The following TNFSF11 variants were observed in gnomAD, a reference collection of about 807,000 sequenced individuals.
TNFSF11 encodes the protein TNF superfamily member 11.
TNFSF11 carries 12 observed loss-of-function variants against 32.2 expected under a neutral mutation model. The ratio of observed to expected loss-of-function variants is 0.37; its 90% CI spans 0.24 to 0.60. The LOEUF (loss-of-function observed/expected upper bound fraction) is 0.60, where lower values mean the gene tolerates loss of function less well. Among genes scored for constraint, TNFSF11 ranks in the 20% least tolerant of loss-of-function variants. The pLI, the probability that TNFSF11 is intolerant of heterozygous loss-of-function variation, is 0.66. For synonymous variants in TNFSF11, 172 were observed against 152.1 expected, an observed-to-expected ratio of 1.13 and a Z score of -0.96; for missense variants, 345 against 398.0, an observed-to-expected ratio of 0.87 and a Z score of 1.13.
chr13:42,583,931 C>A (rs1873760000), intron 2 of TNFSF11, among the ~76,000 whole-genome samples: 1 of 151,998 alleles, frequency 6.6e-6, no homozygotes, highest in South Asian at 2.1e-4. Context: ...TGAAATGCTA[C>A]AAGCAGGATA....
At chr13:42,595,108 G>C (rs1868730663) in intron 2 of TNFSF11, among the ~76,000 whole-genome samples, 1 of 152,188 alleles carries the variant, frequency 6.6e-6, no homozygotes. Flanking sequence ...AGACGTTGGG[G>C]TTTCAAATCT....
At position 42,606,983 on chromosome 13, in the gene TNFSF11, G is replaced by A; in HGVS notation, c.*65G>A. The A allele has an allele frequency of 1.9e-6, 3 of 1,603,566 alleles. No homozygotes were observed. Among genetic ancestry groups the A allele is most frequent in the Non-Finnish European group, 2.6e-6 (3 of 1,173,102 alleles). On this transcript the variant is annotated 3_prime_UTR_variant, in exon 5 of 5. Transcript: ENST00000398795. Reference sequence around the variant, plus strand: ...GGAAACATTTTTTAAAACAAGCCAAGAAAGATGTATATAGGTGTGTGAGAC... The same window carrying A: ...GGAAACATTTTTTAAAACAAGCCAAAAAAGATGTATATAGGTGTGTGAGAC...
At chr13:42,599,254 T>C (rs1475686924) in intron 2 of TNFSF11, among the ~76,000 whole-genome samples, 1 of 152,212 alleles carries the variant, frequency 6.6e-6, no homozygotes, top group Non-Finnish European at 1.5e-5. Flanking sequence ...AGAATAAATG[T>C]TATCTCCAGA....
chr13:42,590,622 A>G (rs1423373800), intron 2 of TNFSF11, among the ~76,000 whole-genome samples: 2 of 152,266 alleles, frequency 1.3e-5, no homozygotes, highest in East Asian at 1.9e-4. Context: ...AAACAGAGAC[A>G]TGGTAAATAG....
At chr13:42,576,998 T>C (rs1009207149) in intron 1 of TNFSF11, among the ~76,000 whole-genome samples, 2 of 152,358 alleles carry the variant, frequency 1.3e-5, no homozygotes, top group Non-Finnish European at 2.9e-5. Flanking sequence ...TGATTTAACA[T>C]TTTCACTTAT....
At chr13:42,572,395 C>T (rs1873100438), upstream of TNFSF11, among the ~76,000 whole-genome samples, 1 of 151,900 alleles carries the variant, frequency 6.6e-6, no homozygotes, top group African/African-American at 2.4e-5. Context: ...TGTTATAACA[C>T]ATTTTAAAAA....
intron 2 of TNFSF11, among the ~76,000 whole-genome samples, chr13:42,599,258 C>T (rs186703457): frequency 6.6e-6 from 1 of 152,302 alleles, no homozygotes; most frequent in Admixed American, 6.5e-5. Flanking sequence ...TAAATGTTAT[C>T]TCCAGAATCC....
At chr13:42,575,254 G>C (rs1873254756) in intron 1 of TNFSF11, among the ~76,000 whole-genome samples, 1 of 152,240 alleles carries the variant, frequency 6.6e-6, no homozygotes, top group Non-Finnish European at 1.5e-5. Context: ...CTACAGTCTA[G>C]CAAATAACCA....
chr13:42,580,916 C>T (rs1873572605), intron 1 of TNFSF11, among the ~76,000 whole-genome samples: 1 of 152,178 alleles, frequency 6.6e-6, no homozygotes, highest in South Asian at 2.1e-4. Context: ...ACTAACTGTG[C>T]CTTGTCCTGT....
intron 1 of TNFSF11, among the ~76,000 whole-genome samples, chr13:42,577,383 A>G (rs572190382): frequency 6.6e-6 from 1 of 152,350 alleles, no homozygotes; most frequent in East Asian, 1.9e-4. Context: ...TGTAAAAAAT[A>G]CATATCTACT....
intron 2 of TNFSF11, among the ~76,000 whole-genome samples, chr13:42,595,087 C>CAA (rs1868728096): frequency 6.6e-6 from 1 of 152,172 alleles, no homozygotes; most frequent in South Asian, 2.1e-4. Context: ...ATCCTCATCT[C>CAA]TATTGTTTTT....
At chr13:42,574,106 A>G, upstream of TNFSF11, 1 of 637,798 alleles carries the variant, frequency 1.6e-6, no homozygotes, top group East Asian at 2.9e-5. Context: ...TCCCGAGGCC[A>G]GGGCTCTCCA....
intron 4 of TNFSF11, among the ~76,000 whole-genome samples, chr13:42,601,544 C>T (rs764181875): frequency 6.6e-6 from 1 of 152,212 alleles, no homozygotes; most frequent in Non-Finnish European, 1.5e-5. Flanking sequence ...AAACCCGGAG[C>T]TCTCTGCCTA....
chr13:42,590,653 A>C (rs1246450715), intron 2 of TNFSF11, among the ~76,000 whole-genome samples: 2 of 152,258 alleles, frequency 1.3e-5, no homozygotes, highest in African/African-American at 4.8e-5. Flanking sequence ...CCAAGATGCC[A>C]CACTGCAGTT....
intron 4 of TNFSF11, among the ~76,000 whole-genome samples, chr13:42,605,255 C>T (rs999078131): frequency 6.6e-6 from 1 of 152,178 alleles, no homozygotes; most frequent in African/African-American, 2.4e-5. Flanking sequence ...CAGCAATGAA[C>T]TTCTTGTGGC....
In TNFSF11 at chr13:42,577,634, T is replaced by C. The variant is rs534977957; in HGVS notation, c.219+3112T>C. ...GATAAACTTTTCAGAAAACTGAAGA[T>C]GTTTTGCCCTTTTAACTTCTTCCCT... On this transcript the variant is annotated intron_variant, in intron 1 of 4. Transcript: ENST00000398795. Among the ~76,000 whole-genome samples the C allele has an allele frequency of 1.2e-4, 18 of 152,330 alleles. No homozygotes were observed. In the South Asian group the frequency reaches 1.2e-3, roughly 11 times the overall value.
chr13:42,584,882 A>G (rs1488621541), intron 2 of TNFSF11, among the ~76,000 whole-genome samples: 3 of 152,206 alleles, frequency 2.0e-5, no homozygotes, highest in African/African-American at 2.4e-5. Flanking sequence ...ATCCTTTTTA[A>G]AGAATTATAA....
At chr13:42,604,444 C>A (rs1041481188) in intron 4 of TNFSF11, among the ~76,000 whole-genome samples, 1 of 152,174 alleles carries the variant, frequency 6.6e-6, no homozygotes, top group African/African-American at 2.4e-5. Flanking sequence ...CCTGTGATGA[C>A]CCCGCTGCAG....
intron 2 of TNFSF11, among the ~76,000 whole-genome samples, chr13:42,567,480 G>A (rs756949954): frequency 1.6e-4 from 24 of 152,154 alleles, no homozygotes; most frequent in South Asian, 1.0e-3. Context: ...CCAGTTTTCC[G>A]TAATGTCTGA....
Sources: allele counts gnomAD v4.1 joint callset (sites outside exome capture counted in the v4.1 genomes callset), GRCh38; gene constraint gnomAD v4.1.1; transcripts MANE v1.5; gene names NCBI Gene and HGNC (gene_info 2026-07-23, HGNC 2026-07-21).